The following CTNNA2 variants were observed in gnomAD, a reference collection of about 807,000 sequenced individuals.
The protein encoded by CTNNA2 is catenin alpha 2.
A neutral mutation model predicts 101.0 loss-of-function variants in CTNNA2; 42 were observed. The observed-to-expected ratio is 0.42, with a 90% CI of 0.32 to 0.54. The LOEUF is 0.54. Among genes scored for constraint, CTNNA2 ranks in the 20% least tolerant of loss-of-function variants. The probability of loss-of-function intolerance (pLI) is 0.14; values close to 1 mark genes in which losing one functional copy is unlikely to be tolerated. For synonymous variants in CTNNA2, 450 were observed against 456.4 expected (o/e 0.99, Z 0.18); for missense variants, 871 against 1,223.1 (o/e 0.71, Z 4.29).
chr2:80,160,161 T>C (rs766319179), intron 7 of CTNNA2, among the ~76,000 whole-genome samples: 1 of 152,210 alleles, frequency 6.6e-6, no homozygotes, highest in East Asian at 1.9e-4. Flanking sequence ...TTGTACTATG[T>C]GTTGATTTTT....
At chr2:79,923,426 C>A (rs1355584672) in intron 7 of CTNNA2, among the ~76,000 whole-genome samples, 2 of 151,992 alleles carry the variant, frequency 1.3e-5, no homozygotes, top group African/African-American at 4.8e-5. Context: ...GAGAGAAGAT[C>A]TGGTGGTCTG....
chr2:79,694,075 A>C (rs186514089), intron 2 of CTNNA2, among the ~76,000 whole-genome samples: 2 of 151,980 alleles, frequency 1.3e-5, no homozygotes, highest in Non-Finnish European at 2.9e-5. Context: ...TTATTCAAAG[A>C]CATGGACAGG....
intron 1 of CTNNA2, among the ~76,000 whole-genome samples, chr2:79,569,438 A>G (rs772240971): frequency 1.3e-5 from 2 of 152,206 alleles, no homozygotes; most frequent in African/African-American, 2.4e-5. Context: ...ACAGGTCATG[A>G]AAACATGCCA....
chr2:79,368,734 G>T (rs1463894745), intron 3 of CTNNA2, among the ~76,000 whole-genome samples: 1 of 152,174 alleles, frequency 6.6e-6, no homozygotes, highest in Admixed American at 6.5e-5. Context: ...CTGAAATGGA[G>T]CATCCTACTG....
intron 2 of CTNNA2, among the ~76,000 whole-genome samples, chr2:79,262,579 C>A (rs148707698): frequency 6.6e-6 from 1 of 151,950 alleles, no homozygotes; most frequent in Non-Finnish European, 1.5e-5. Flanking sequence ...TCTAATTCAG[C>A]GGCTCCCAAA....
At chr2:79,321,902 T>C (rs1676633042) in intron 3 of CTNNA2, among the ~76,000 whole-genome samples, 1 of 151,728 alleles carries the variant, frequency 6.6e-6, no homozygotes, top group Non-Finnish European at 1.5e-5. Flanking sequence ...AGTCCTAGAG[T>C]CCCACAAACC....
At chr2:80,470,715 T>C (rs1685230754) in intron 9 of CTNNA2, among the ~76,000 whole-genome samples, 1 of 152,116 alleles carries the variant, frequency 6.6e-6, no homozygotes, top group Non-Finnish European at 1.5e-5. Context: ...TTCCTACTTC[T>C]TGAAACCTGA....
chr2:80,311,179 C>A (rs1295414872), intron 7 of CTNNA2, among the ~76,000 whole-genome samples: 1 of 151,928 alleles, frequency 6.6e-6, no homozygotes, highest in South Asian at 2.1e-4. Flanking sequence ...ATCCTTATAC[C>A]TTTGAATATA....
intron 7 of CTNNA2, among the ~76,000 whole-genome samples, chr2:79,980,272 A>G (rs1329498778): frequency 6.6e-6 from 1 of 152,152 alleles, no homozygotes; most frequent in Non-Finnish European, 1.5e-5. Context: ...AAGTTTAAAA[A>G]TGCAAGTTTT....
intron 9 of CTNNA2, among the ~76,000 whole-genome samples, chr2:80,460,955 T>C (rs1052601177): frequency 6.6e-6 from 1 of 152,186 alleles, no homozygotes; most frequent in African/African-American, 2.4e-5. Flanking sequence ...TCCCAGGCAA[T>C]GTTGACTCTA....
intron 9 of CTNNA2, among the ~76,000 whole-genome samples, chr2:80,532,863 T>A (rs1241558452): frequency 1.3e-5 from 2 of 152,150 alleles, no homozygotes; most frequent in African/African-American, 4.8e-5. Context: ...AGCATCTTTT[T>A]CTAGGTAAAC....
At chr2:79,684,194 G>T (rs1010386367) in intron 2 of CTNNA2, among the ~76,000 whole-genome samples, 1 of 151,964 alleles carries the variant, frequency 6.6e-6, no homozygotes, top group African/African-American at 2.4e-5. Flanking sequence ...AAAATTTTTG[G>T]ACCAGTCTAC....
chr2:80,338,114 G>A lies in CTNNA2; in HGVS notation c.1057-55097G>A, dbSNP rs570051362. On this transcript the variant is annotated intron_variant, in intron 7 of 18. Transcript: ENST00000402739. ...AGAGATTCTCCTGCCTCAGCCTCCC[G>A]AGTAGCTGGGACTACAGGTATGTGC... Among the ~76,000 whole-genome samples the A allele has an allele frequency of 4.6e-5, 7 of 151,800 alleles. No homozygotes were observed. In the South Asian group the frequency reaches 1.0e-3, roughly 23 times the overall value.
At chr2:79,538,958 C>T (rs1414659994) in intron 1 of CTNNA2, among the ~76,000 whole-genome samples, 5 of 152,144 alleles carry the variant, frequency 3.3e-5, no homozygotes, top group African/African-American at 1.2e-4. Flanking sequence ...ACGAGGGCAG[C>T]ATACTTGAGA....
intron 1 of CTNNA2, among the ~76,000 whole-genome samples, chr2:79,561,911 C>A (rs1320895304): frequency 6.6e-6 from 1 of 151,384 alleles, no homozygotes; most frequent in African/African-American, 2.4e-5. Context: ...TGTGAAATGT[C>A]TTTTCAGTTT....
chr2:79,739,251 A>G (rs1671115224), intron 2 of CTNNA2, among the ~76,000 whole-genome samples: 2 of 152,186 alleles, frequency 1.3e-5, no homozygotes, highest in African/African-American at 4.8e-5. Context: ...TTTCCATAGA[A>G]TGAAACATTT....
chr2:79,491,869 C>A (rs1159463552), intron 4 of CTNNA2, among the ~76,000 whole-genome samples: 2 of 152,106 alleles, frequency 1.3e-5, no homozygotes, highest in Non-Finnish European at 2.9e-5. Flanking sequence ...ATTCAAGTAC[C>A]TCTATATGAT....
intron 4 of CTNNA2, among the ~76,000 whole-genome samples, chr2:79,384,867 T>C (rs562857878): frequency 7.9e-5 from 12 of 152,304 alleles, no homozygotes; most frequent in Admixed American, 3.3e-4. Context: ...ATACTAGGAA[T>C]TTGGTTCGAT....
chr2:80,428,258 T>A (rs1438027179), intron 9 of CTNNA2, among the ~76,000 whole-genome samples: 1 of 152,202 alleles, frequency 6.6e-6, no homozygotes, highest in Non-Finnish European at 1.5e-5. Flanking sequence ...TACTCAGATA[T>A]TGAGTTCATT....
Sources: gnomAD v4.1 joint callset for allele counts (sites outside exome capture counted in the v4.1 genomes callset) on GRCh38, gnomAD v4.1.1 for gene constraint, MANE v1.5 for transcripts, NCBI Gene and HGNC (gene_info 2026-07-23, HGNC 2026-07-21) for gene names.